PRKCZ: variants seen among roughly 807,000 people sequenced by gnomAD.
PRKCZ encodes protein kinase C zeta.
In PRKCZ, 33 loss-of-function variants were observed where a neutral mutation model predicts 79.5. The ratio of observed to expected loss-of-function variants is 0.41; its 90% CI spans 0.31 to 0.55. The LOEUF (loss-of-function observed/expected upper bound fraction) is 0.55, where lower values mean the gene tolerates loss of function less well. PRKCZ is among the 20% of genes least tolerant of loss of function. The pLI is 0.19. For missense variants in PRKCZ, 578 were observed against 813.5 expected (o/e 0.71, Z 3.52); for synonymous variants, 342 against 320.9 (o/e 1.07, Z -0.70).
chr1:2,184,346 C>T (rs1245615011), intron 16 of PRKCZ: 7 of 466,202 alleles, frequency 1.5e-5, no homozygotes, highest in Admixed American at 3.6e-5. Flanking sequence ...TGCTCCGTCC[C>T]ACATGTGGCC....
rs1436952800 is a variant in PRKCZ at position 2,128,975 on chromosome 1, G to A, written c.335-6287G>A. Among the ~76,000 whole-genome samples, 1 of 152,040 alleles carries A rather than the reference G, an allele frequency of 6.6e-6. No homozygotes were observed. Among genetic ancestry groups the A allele is most frequent in the African/African-American group, 2.4e-5 (1 of 41,402 alleles). ...TCTCCTTTTCACAGCGCTGTCTGTC[G>A]CTTAGGTCAGAAATAGGCCCATCGC... On this transcript the variant is annotated intron_variant, in intron 4 of 17. Coordinates refer to ENST00000378567, the MANE Select transcript of PRKCZ (RefSeq NM_002744.6). The surrounding 1 kb of genome is among the most constrained non-coding windows in gnomAD (Gnocchi z 6.5).
intron 4 of PRKCZ, among the ~76,000 whole-genome samples, chr1:2,086,136 A>G (rs373767389): frequency 6.8e-6 from 1 of 147,844 alleles, no homozygotes; most frequent in Admixed American, 6.9e-5. Flanking sequence ...ATCTTGGCTC[A>G]CTGCAACCTC....
chr1:2,139,761 C>T (rs1676947832), intron 5 of PRKCZ, among the ~76,000 whole-genome samples: 1 of 152,164 alleles, frequency 6.6e-6, no homozygotes, highest in African/African-American at 2.4e-5. Flanking sequence ...AGAAATCACC[C>T]GTCATTCGGA....
intron 16 of PRKCZ, chr1:2,184,358 G>C: frequency 2.0e-6 from 1 of 487,806 alleles, no homozygotes; most frequent in Non-Finnish European, 3.7e-6. Flanking sequence ...CATGTGGCCA[G>C]CATGGCCGAC....
At chr1:2,108,067 T>C (rs374652540) in intron 4 of PRKCZ, among the ~76,000 whole-genome samples, 3 of 152,168 alleles carry the variant, frequency 2.0e-5, no homozygotes, top group African/African-American at 7.2e-5. Context: ...GTCGGGGTGG[T>C]TGGATGCCTG....
At chr1:2,080,332 G>A (rs746539833) in intron 4 of PRKCZ, among the ~76,000 whole-genome samples, 4 of 152,122 alleles carry the variant, frequency 2.6e-5, no homozygotes, top group African/African-American at 4.8e-5. Context: ...GGCAGTGCGC[G>A]TGGACGTGGC....
At chr1:2,139,454 G>T (rs1676878050) in intron 5 of PRKCZ, among the ~76,000 whole-genome samples, 2 of 152,128 alleles carry the variant, frequency 1.3e-5, no homozygotes, top group South Asian at 4.1e-4. Flanking sequence ...GCCAGGCGTG[G>T]TGGTGGGTTC....
At chr1:2,171,527 G>T (rs997360267) in intron 11 of PRKCZ, 1 of 152,592 alleles carries the variant, frequency 6.6e-6, no homozygotes, top group Middle Eastern at 3.4e-3. Flanking sequence ...CACCATACCC[G>T]GCTAATTTTT....
rs948344784 is a variant in PRKCZ, at chr1:2,177,669, C to T, written c.1575+2356C>T. On this transcript the variant is annotated intron_variant, in intron 16 of 17. Transcript: ENST00000378567. This position sits in a 1 kb window ranked among gnomAD's most constrained non-coding sequence, Gnocchi z 6.4. Reference sequence around the variant, plus strand: ...GAGGTCTGCGTCCCTGCAGCGAGCACGCCAGGTGATCTCTGGCACACACTT... The same window carrying T: ...GAGGTCTGCGTCCCTGCAGCGAGCATGCCAGGTGATCTCTGGCACACACTT... Among the ~76,000 whole-genome samples, 6 of 152,214 alleles carry T rather than the reference C, an allele frequency of 3.9e-5. 1 individual carries two copies. The highest frequency in any genetic ancestry group is 1.2e-4 in the African/African-American group (5 of 41,452).
chr1:2,089,712 C>T lies in PRKCZ; in HGVS notation c.334+30121C>T, dbSNP rs78564824. Among the ~76,000 whole-genome samples, 438 of 152,188 alleles carry T rather than the reference C, an allele frequency of 2.9e-3. 4 individuals carry two copies. The East Asian group carries it at 0.041, about 14-fold the overall frequency. ...ATTTCAGCGTGTGAATTCGGTGGGA[C>T]GTAAACACTCAGGTCACAGTGCTGG... On this transcript the variant is annotated intron_variant, in intron 4 of 17. Coordinates refer to ENST00000378567, the MANE Select transcript of PRKCZ (RefSeq NM_002744.6).
Position 2,173,515 on chromosome 1 carries a change from A to G in PRKCZ, c.1286-382A>G, listed in dbSNP as rs990412175. ...AAAAAACAAAATGGCTGTAGAAGGA[A>G]ACACAGGAGAGTATTTCCGTTACTG... is the stretch of plus-strand genomic sequence containing the variant. On this transcript the variant is annotated intron_variant, in intron 13 of 17. Coordinates refer to ENST00000378567, the MANE Select transcript of PRKCZ (RefSeq NM_002744.6). The surrounding 1 kb of genome is among the most constrained non-coding windows in gnomAD (Gnocchi z 5.7). Among the ~76,000 whole-genome samples the G allele has an allele frequency of 1.3e-5, 2 of 152,244 alleles. No homozygotes were observed. Among genetic ancestry groups the G allele is most frequent in the African/African-American group, 4.8e-5 (2 of 41,450 alleles).
intron 8 of PRKCZ, among the ~76,000 whole-genome samples, chr1:2,150,518 C>G (rs1679676426): frequency 1.3e-5 from 2 of 152,234 alleles, no homozygotes; most frequent in South Asian, 4.1e-4. Context: ...CCACCTGCAG[C>G]TGTGACCAGA....
chr1:2,146,683 G>A (rs559683166), intron 7 of PRKCZ, among the ~76,000 whole-genome samples: 17 of 152,302 alleles, frequency 1.1e-4, no homozygotes, highest in African/African-American at 3.8e-4. Flanking sequence ...CTGCACGGGG[G>A]TGTGAGAGCC....
At chr1:2,103,655 G>A (rs939817013) in intron 4 of PRKCZ, among the ~76,000 whole-genome samples, 1 of 152,242 alleles carries the variant, frequency 6.6e-6, no homozygotes, top group African/African-American at 2.4e-5. Context: ...GATCGCTTGA[G>A]CCCAGGAGGT....
intron 4 of PRKCZ, among the ~76,000 whole-genome samples, chr1:2,086,531 C>CGCATCCGGGCAGCAGGCTCTG (rs1553139165): frequency 6.6e-6 from 1 of 152,184 alleles, no homozygotes; most frequent in Admixed American, 6.5e-5. Flanking sequence ...GTGTGTTGCT[C>CGCATCCGGGCAGCAGGCTCTG]GCATCCGGGC....
intron 11 of PRKCZ, 112 bp downstream of exon 11, chr1:2,169,716 G>A (rs1190131907): frequency 2.1e-5 from 13 of 616,670 alleles, no homozygotes; most frequent in East Asian, 4.2e-5. Context: ...GGGTGGGTGC[G>A]CGCGGAGTTG....
At chr1:2,169,815 C>T (rs1331195588) in intron 11 of PRKCZ, among the ~76,000 whole-genome samples, 4 of 79,386 alleles carry the variant, frequency 5.0e-5, no homozygotes, top group Admixed American at 1.6e-4. Flanking sequence ...GCGGGGTGCA[C>T]GTGGAGGGGG....
At position 2,128,200 on chromosome 1, in the gene PRKCZ, G is replaced by A. The variant is rs765761123; in HGVS notation, c.335-7062G>A. 5.9e-4 allele frequency among the ~76,000 whole-genome samples: 90 copies of A among 152,240 alleles called. No homozygotes were observed. The highest frequency in any genetic ancestry group is 1.1e-3 in the Non-Finnish European group (74 of 68,042). ...CTGGTCACTGACCTGGGCCACCATA[G>A]AAGGCACCTGGCTATCTGCATGTGG... On this transcript the variant is annotated intron_variant, in intron 4 of 17. Coordinates refer to ENST00000378567, the MANE Select transcript of PRKCZ (RefSeq NM_002744.6). This position sits in a 1 kb window ranked among gnomAD's most constrained non-coding sequence, Gnocchi z 6.5.
intron 4 of PRKCZ, among the ~76,000 whole-genome samples, chr1:2,086,833 G>A (rs76676490): frequency 0.03 from 4,623 of 152,282 alleles, 233 homozygotes; most frequent in African/African-American, 0.1. Flanking sequence ...GCCTTCGAAT[G>A]CGGATGACAC....
Sources: gnomAD v4.1 joint callset for allele counts (sites outside exome capture counted in the v4.1 genomes callset) on GRCh38, gnomAD v4.1.1 for gene constraint, Gnocchi (gnomAD v3.1) non-coding constraint, MANE v1.5 for transcripts, NCBI Gene and HGNC (gene_info 2026-07-23, HGNC 2026-07-21) for gene names.